Variants in GPHN observed in about 807,000 individuals in gnomAD.
The protein encoded by GPHN is gephyrin.
A neutral mutation model predicts 95.5 loss-of-function variants in GPHN; 17 were observed. The ratio of observed to expected loss-of-function variants is 0.18; its 90% confidence interval spans 0.12 to 0.27. GPHN has a LOEUF of 0.27. GPHN is among the 10% of genes least tolerant of loss of function. The probability of loss-of-function intolerance (pLI) is 1.00; values close to 1 mark genes in which losing one functional copy is unlikely to be tolerated. For synonymous variants in GPHN, 320 were observed against 322.5 expected (o/e 0.99, Z 0.08); for missense variants, 660 against 978.1 (o/e 0.67, Z 4.34).
At chr14:67,372,374 A>G in the GPHN span, among the ~76,000 whole-genome samples, 615 of 152,342 alleles carry the variant, frequency 4.0e-3, 17 homozygotes, top group East Asian at 0.059. Context: ...ACCTTGGATT[A>G]GGCAAAGATT....
the GPHN span, among the ~76,000 whole-genome samples, chr14:67,366,654 G>C: frequency 6.6e-6 from 1 of 152,190 alleles, no homozygotes; most frequent in Non-Finnish European, 1.5e-5. Flanking sequence ...AAAAAGCAAA[G>C]TGCAAAAGAG....
At chr14:67,525,572 C>A in the GPHN span, among the ~76,000 whole-genome samples, 6 of 152,172 alleles carry the variant, frequency 3.9e-5, no homozygotes, top group Non-Finnish European at 8.8e-5. Flanking sequence ...GAAGAAAGGA[C>A]GCAAGAATCA....
At chr14:66,526,532 A>G (rs892160593) in intron 1 of GPHN, among the ~76,000 whole-genome samples, 1 of 152,142 alleles carries the variant, frequency 6.6e-6, no homozygotes, top group African/African-American at 2.4e-5. Context: ...TAGGAGTGTG[A>G]GAGAGTGCAT....
At chr14:66,607,451 A>T (rs1225696215) in intron 1 of GPHN, among the ~76,000 whole-genome samples, 1 of 150,998 alleles carries the variant, frequency 6.6e-6, no homozygotes, top group Admixed American at 6.6e-5. Context: ...ATTGGCCTGA[A>T]GTTTTCTTTT....
chr14:67,702,053 A>G, the GPHN span: 1 of 152,202 alleles, frequency 6.6e-6, no homozygotes, highest in Non-Finnish European at 1.5e-5. Context: ...CTGATCTCAA[A>G]TGATCCACCT....
At chr14:67,413,876 G>A in the GPHN span, among the ~76,000 whole-genome samples, 1 of 152,184 alleles carries the variant, frequency 6.6e-6, no homozygotes, top group Non-Finnish European at 1.5e-5. Flanking sequence ...AACCCCATGA[G>A]GTGTTTATTA....
At chr14:67,634,153 C>T in the GPHN span, among the ~76,000 whole-genome samples, 1 of 152,182 alleles carries the variant, frequency 6.6e-6, no homozygotes, top group Non-Finnish European at 1.5e-5. Context: ...TCATTCACAT[C>T]ACAACCCTTG....
chr14:66,996,355 G>C, intron 9 of GPHN: 1 of 636,970 alleles, frequency 1.6e-6, no homozygotes, highest in Non-Finnish European at 2.8e-6. Context: ...GATACCAAAG[G>C]GGGAAAATTC....
intron 1 of GPHN, among the ~76,000 whole-genome samples, chr14:66,538,420 T>G (rs1371057624): frequency 6.6e-6 from 1 of 151,932 alleles, no homozygotes; most frequent in Non-Finnish European, 1.5e-5. Flanking sequence ...GTGTTAGGCG[T>G]TTTGACTGTC....
intron 4 of GPHN, among the ~76,000 whole-genome samples, chr14:66,857,230 A>G (rs552088327): frequency 6.6e-6 from 1 of 152,316 alleles, no homozygotes; most frequent in East Asian, 1.9e-4. Flanking sequence ...ACATTATATC[A>G]GAGCCCCAAA....
chr14:66,586,894 A>G (rs942249183), intron 1 of GPHN, among the ~76,000 whole-genome samples: 1 of 152,226 alleles, frequency 6.6e-6, no homozygotes, highest in Admixed American at 6.5e-5. Flanking sequence ...AAAGAAAAAA[A>G]CAAAGGTCAG....
At chr14:66,617,948 C>G (rs1325092277) in intron 1 of GPHN, among the ~76,000 whole-genome samples, 1 of 152,052 alleles carries the variant, frequency 6.6e-6, no homozygotes, top group African/African-American at 2.4e-5. Flanking sequence ...AAGAGATTAT[C>G]TTCTAATTTT....
intron 9 of GPHN, among the ~76,000 whole-genome samples, chr14:66,984,793 A>G (rs947241165): frequency 1.3e-5 from 2 of 152,040 alleles, no homozygotes; most frequent in East Asian, 3.9e-4. Context: ...TCTGGAATCC[A>G]TAGTGTAAAA....
the GPHN span, among the ~76,000 whole-genome samples, chr14:67,516,075 T>G: frequency 2.0e-5 from 3 of 152,172 alleles, no homozygotes; most frequent in African/African-American, 7.2e-5. Context: ...CTCTGGAAAT[T>G]CCACAATACC....
chr14:66,882,108 C>T (rs1341254366), intron 5 of GPHN, among the ~76,000 whole-genome samples: 1 of 151,772 alleles, frequency 6.6e-6, no homozygotes, highest in Non-Finnish European at 1.5e-5. Flanking sequence ...TGGCTTTGTA[C>T]ATGCTTCTGC....
chr14:67,384,425 A>G, the GPHN span: 1 of 151,968 alleles, frequency 6.6e-6, no homozygotes, highest in African/African-American at 2.4e-5. Flanking sequence ...TTCGTACATA[A>G]TAAGTTTCAT....
At chr14:67,395,679 A>G in the GPHN span, 2 of 918,946 alleles carry the variant, frequency 2.2e-6, no homozygotes, top group Non-Finnish European at 3.4e-6. Context: ...TCTAGGTGAC[A>G]GTGACTGCCA....
At chr14:67,191,441 T>G in the GPHN span, among the ~76,000 whole-genome samples, 1 of 152,190 alleles carries the variant, frequency 6.6e-6, no homozygotes, top group Non-Finnish European at 1.5e-5. Context: ...CAGACATCCC[T>G]CTGAATTAGG....
intron 4 of GPHN, among the ~76,000 whole-genome samples, chr14:66,848,945 A>C (rs1216057768): frequency 6.6e-6 from 1 of 151,920 alleles, no homozygotes; most frequent in Admixed American, 6.6e-5. Flanking sequence ...ATATCATCCC[A>C]ATTATTATAA....
Sources: gnomAD v4.1 joint callset for allele counts (sites outside exome capture counted in the v4.1 genomes callset) on GRCh38, gnomAD v4.1.1 for gene constraint, MANE v1.5 for transcripts, NCBI Gene and HGNC (gene_info 2026-07-23, HGNC 2026-07-21) for gene names.